Variants in NPAS3 observed in about 807,000 individuals in gnomAD.
NPAS3 encodes neuronal PAS domain protein 3.
A neutral mutation model predicts 73.1 loss-of-function variants in NPAS3; 14 were observed. The ratio of observed to expected loss-of-function variants is 0.19; its 90% confidence interval spans 0.13 to 0.30. NPAS3 has a LOEUF of 0.30. Ranked by LOEUF, NPAS3 falls within the 10% of genes least tolerant of loss-of-function variation. NPAS3 has a pLI of 1.00. For missense variants in NPAS3, 1,096 were observed against 1,250.0 expected (o/e 0.88, Z 1.86); for synonymous variants, 620 against 541.5 (o/e 1.14, Z -2.01).
upstream of NPAS3, chr14:32,934,922 C>T (rs1225022716): frequency 5.7e-6 from 6 of 1,057,540 alleles, no homozygotes; most frequent in South Asian, 4.3e-5. This position sits in a 1 kb window ranked among gnomAD's most constrained non-coding sequence, Gnocchi z 4.1. Context: ...GGGGTGCCGG[C>T]CGGCGCGGGC....
At chr14:33,386,321 C>T (rs1338346533) in intron 4 of NPAS3, among the ~76,000 whole-genome samples, 1 of 152,040 alleles carries the variant, frequency 6.6e-6, no homozygotes, top group Non-Finnish European at 1.5e-5. Context: ...CAAAATGGCC[C>T]CAATGTCAAG....
intron 3 of NPAS3, among the ~76,000 whole-genome samples, chr14:33,280,256 A>G (rs1317157502): frequency 1.3e-5 from 2 of 152,172 alleles, no homozygotes; most frequent in Non-Finnish European, 2.9e-5. Context: ...GACAAATTGT[A>G]TGGTCACCCA....
chr14:33,598,635 T>A lies in NPAS3; in HGVS notation c.558+38425T>A, dbSNP rs149097840. Among the ~76,000 whole-genome samples, 635 of 152,344 alleles carry A rather than the reference T, an allele frequency of 4.2e-3. 3 individuals carry two copies. Among genetic ancestry groups the A allele is most frequent in the Non-Finnish European group, 6.3e-3 (428 of 68,036 alleles). ...TATTTTTAAAACTATGCATTTTTGG[T>A]GCTGGGACTTTATTGTATGCTAACT... On this transcript the variant is annotated intron_variant, in intron 5 of 11. Transcript: ENST00000356141.
intron 2 of NPAS3, among the ~76,000 whole-genome samples, chr14:33,184,166 A>T (rs77300134): frequency 4.7e-4 from 72 of 152,296 alleles, no homozygotes; most frequent in African/African-American, 1.7e-3. Flanking sequence ...TGGTCCTTGA[A>T]TAGGGAGGGG....
intron 5 of NPAS3, among the ~76,000 whole-genome samples, chr14:33,560,774 T>C (rs566744882): frequency 3.9e-5 from 6 of 152,298 alleles, no homozygotes; most frequent in Non-Finnish European, 8.8e-5. Context: ...TACTCACATG[T>C]GTTTTTCGGA....
intron 2 of NPAS3, among the ~76,000 whole-genome samples, chr14:33,160,187 C>A (rs73270550): frequency 0.055 from 8,404 of 151,846 alleles, 241 homozygotes; most frequent in South Asian, 0.085. Context: ...ATAAGAAAAC[C>A]TAGATACAAA....
intron 6 of NPAS3, among the ~76,000 whole-genome samples, chr14:33,690,155 C>T (rs1391210993): frequency 6.6e-6 from 1 of 152,154 alleles, no homozygotes; most frequent in Non-Finnish European, 1.5e-5. Flanking sequence ...CCTTTACTAT[C>T]GAATCAGCTT....
At chr14:33,061,013 A>G (rs1044144729) in intron 2 of NPAS3, among the ~76,000 whole-genome samples, 5 of 152,248 alleles carry the variant, frequency 3.3e-5, no homozygotes, top group African/African-American at 7.2e-5. Context: ...GAAGGAATTA[A>G]CAAGTTCCAG....
chr14:33,193,505 G>T lies in NPAS3; in HGVS notation c.141-21677G>T, dbSNP rs909247314. On this transcript the variant is annotated intron_variant, in intron 2 of 11. Coordinates refer to ENST00000356141, the Ensembl canonical transcript of NPAS3. The stretch of plus-strand genomic sequence containing the variant: ...AAAAATGTACAGGCTGGAGGATGGC[G>T]ATGAGGATCTGCATCCTAGAGGATG... Among the ~76,000 whole-genome samples the T allele has an allele frequency of 3.3e-5, 5 of 152,184 alleles. No individual in the cohort carries two copies. The East Asian group carries it at 9.6e-4, about 29-fold the overall frequency.
chr14:33,518,287 T>A (rs1290378629), intron 4 of NPAS3, among the ~76,000 whole-genome samples: 2 of 151,722 alleles, frequency 1.3e-5, no homozygotes, highest in East Asian at 3.9e-4. Context: ...GAGAGGTAAC[T>A]CATGGTGGGG....
Position 32,950,606 on chromosome 14 carries a change from G to A in NPAS3, c.50+11240G>A. Among the ~76,000 whole-genome samples, 2 of 152,014 alleles carry A rather than the reference G, an allele frequency of 1.3e-5. 1 individual carries two copies. Among genetic ancestry groups the A allele is most frequent in the Middle Eastern group, 6.3e-3 (2 of 316 alleles). ...CATTTCAGATGTGATACAACTACTA[G>A]CAAGGTACAACAATCTTAACAAAAA... On this transcript the variant is annotated intron_variant, in intron 1 of 11. Coordinates refer to ENST00000356141, the Ensembl canonical transcript of NPAS3.
chr14:33,155,209 A>G (rs2044603737), intron 2 of NPAS3, among the ~76,000 whole-genome samples: 1 of 152,160 alleles, frequency 6.6e-6, no homozygotes, highest in Non-Finnish European at 1.5e-5. Flanking sequence ...AGGTGGGAAG[A>G]CATTGTTTGA....
chr14:33,730,600 C>A (rs1328951030), intron 6 of NPAS3, among the ~76,000 whole-genome samples: 1 of 152,172 alleles, frequency 6.6e-6, no homozygotes, highest in African/African-American at 2.4e-5. Context: ...GGCTTTTGCT[C>A]ACATTCATTG....
At chr14:33,394,971 C>A (rs2047159449) in intron 4 of NPAS3, among the ~76,000 whole-genome samples, 1 of 152,028 alleles carries the variant, frequency 6.6e-6, no homozygotes. Context: ...TCAAACTTGC[C>A]AACAGCCAAA....
rs533518122 is a variant in NPAS3, at chr14:33,341,607, G to T, written c.386-25579G>T. ...GATCTGGGTATAAATGGGAAGGGCTGGTTCCTCACAGGCTTATTGGGTGAA... is the reference window on the plus strand; with the variant it reads ...GATCTGGGTATAAATGGGAAGGGCTTGTTCCTCACAGGCTTATTGGGTGAA... On this transcript the variant is annotated intron_variant, in intron 3 of 11. Transcript: ENST00000356141. Among the ~76,000 whole-genome samples, 72 of 152,178 alleles carry T rather than the reference G, an allele frequency of 4.7e-4. No homozygotes were observed. The South Asian group carries it at 0.014, about 30-fold the overall frequency.
At chr14:33,136,620 G>A (rs2043849740) in intron 2 of NPAS3, among the ~76,000 whole-genome samples, 1 of 152,194 alleles carries the variant, frequency 6.6e-6, no homozygotes, top group African/African-American at 2.4e-5. Context: ...GTCAACAGCA[G>A]ACCTGAGATT....
chr14:33,591,130 C>G (rs1233943213), intron 5 of NPAS3, among the ~76,000 whole-genome samples: 1 of 152,176 alleles, frequency 6.6e-6, no homozygotes, highest in African/African-American at 2.4e-5. Flanking sequence ...CCACAGCTTC[C>G]TGAGGAGCAA....
intron 2 of NPAS3, among the ~76,000 whole-genome samples, chr14:33,171,818 C>T (rs879287120): frequency 3.3e-5 from 5 of 152,180 alleles, no homozygotes; most frequent in South Asian, 2.1e-4. Flanking sequence ...TGCTTTTCGA[C>T]GTGCCTTTCT....
intron 2 of NPAS3, among the ~76,000 whole-genome samples, chr14:33,108,177 C>T (rs2042779623): frequency 6.8e-6 from 1 of 147,524 alleles, no homozygotes; most frequent in Admixed American, 7.1e-5. Flanking sequence ...AGCTATTAGC[C>T]ATCTATTTAT....
Sources: gnomAD v4.1 joint callset for allele counts (sites outside exome capture counted in the v4.1 genomes callset) on GRCh38, gnomAD v4.1.1 for gene constraint, Gnocchi (gnomAD v3.1) non-coding constraint, MANE v1.5 for transcripts, NCBI Gene and HGNC (gene_info 2026-07-23, HGNC 2026-07-21) for gene names.